MCCC1: variants seen among roughly 807,000 people sequenced by gnomAD.
MCCC1 encodes methylcrotonoyl-CoA carboxylase subunit alpha, mitochondrial.
MCCC1 carries 64 observed loss-of-function variants against 83.8 expected under a neutral mutation model. The observed-to-expected ratio is 0.76, with a 90% CI of 0.62 to 0.94. The LOEUF is 0.94. MCCC1 is among the 40% of genes least tolerant of loss of function. The probability of loss-of-function intolerance (pLI) is 0.00; values close to 1 mark genes in which losing one functional copy is unlikely to be tolerated. For missense variants in MCCC1, 807 were observed against 904.7 expected (o/e 0.89, Z 1.39); for synonymous variants, 322 against 315.4 (o/e 1.02, Z -0.22).
chr3:183,018,755 G>A (rs947539620), intron 17 of MCCC1, among the ~76,000 whole-genome samples: 2 of 152,140 alleles, frequency 1.3e-5, no homozygotes, highest in African/African-American at 4.8e-5. Flanking sequence ...GAGGGATGAG[G>A]GTCTTGACTG....
intron 7 of MCCC1, among the ~76,000 whole-genome samples, chr3:183,067,322 G>A (rs531260054): frequency 6.6e-6 from 1 of 152,326 alleles, no homozygotes; most frequent in South Asian, 2.1e-4. Flanking sequence ...TAAACCCATG[G>A]CTGGGCTGGG....
intron 7 of MCCC1, 147 bp downstream of exon 7, chr3:183,070,852 A>G (rs916252036): frequency 3.2e-6 from 3 of 939,790 alleles, no homozygotes; most frequent in South Asian, 3.3e-5. Flanking sequence ...CCATCCTACA[A>G]TCAGTGGTTA....
At chr3:183,097,853 G>T (rs1281566088) in intron 1 of MCCC1, among the ~76,000 whole-genome samples, 1 of 152,042 alleles carries the variant, frequency 6.6e-6, no homozygotes. Flanking sequence ...GGAGGCCTAA[G>T]AAAAGAAAAA....
At chr3:183,102,283 A>C (rs953190686), upstream of MCCC1, among the ~76,000 whole-genome samples, 6 of 152,156 alleles carry the variant, frequency 3.9e-5, no homozygotes, top group Admixed American at 2.6e-4. Context: ...GGATCACTTG[A>C]GCCCAGGAGT....
At chr3:183,039,241 C>A (rs907075226) in intron 11 of MCCC1, 106 bp from the exon 12 acceptor site, 14 of 1,045,666 alleles carry the variant, frequency 1.3e-5, no homozygotes, top group African/African-American at 7.8e-5. Flanking sequence ...TCCTCATAAA[C>A]CCCTGCATGA....
intron 3 of MCCC1, chr3:183,091,068 G>T (rs183224756): frequency 2.2e-6 from 1 of 456,414 alleles, no homozygotes. Flanking sequence ...TTGGAGGTTG[G>T]AATGAAGCGA....
upstream of MCCC1, among the ~76,000 whole-genome samples, chr3:183,102,572 A>G (rs191565833): frequency 1.3e-5 from 2 of 152,088 alleles, no homozygotes; most frequent in Admixed American, 1.3e-4. Flanking sequence ...TTCATTCTAG[A>G]TTTTAAAACT....
At chr3:183,107,929 T>C (rs369210181) in intron 1 of MCCC1, among the ~76,000 whole-genome samples, 3 of 152,318 alleles carry the variant, frequency 2.0e-5, no homozygotes, top group African/African-American at 7.2e-5. Context: ...TACAATATCC[T>C]TGAATTTGGG....
At position 183,071,449 on chromosome 3, in the gene MCCC1, A is replaced by T. The variant is rs112348183; in HGVS notation, c.492-92T>A. The T allele has an allele frequency of 1.8e-3, 2,802 of 1,562,052 alleles. 52 individuals are homozygous for T. The African/African-American group carries it at 0.034, about 19-fold the overall frequency. ...AATATAGCCCAGTCTATAAATTACA[A>T]TGGAACTCTTTAAAGAAAACATCGA... On this transcript the variant is annotated intron_variant, in intron 5 of 18. Transcript: ENST00000265594.
At chr3:183,104,231 G>A (rs751907813), upstream of MCCC1, among the ~76,000 whole-genome samples, 41 of 152,280 alleles carry the variant, frequency 2.7e-4, no homozygotes, top group Non-Finnish European at 5.1e-4. Context: ...CTCAAGTGCC[G>A]CCAAACTGGG....
upstream of MCCC1, chr3:183,099,703 C>T (rs747270373): frequency 9.0e-5 from 52 of 578,602 alleles, no homozygotes; most frequent in Admixed American, 1.8e-4. Context: ...TCCCCTGGGG[C>T]CTGCTCTGAC....
chr3:183,037,975 TG>T (rs1367131893), intron 12 of MCCC1, among the ~76,000 whole-genome samples: 1 of 152,228 alleles, frequency 6.6e-6, no homozygotes, highest in Admixed American at 6.5e-5. Flanking sequence ...CACCAATAAA[TG>T]GGATCAAAAG....
intron 7 of MCCC1, among the ~76,000 whole-genome samples, chr3:183,067,870 T>C (rs1438671743): frequency 6.6e-6 from 1 of 152,228 alleles, no homozygotes; most frequent in African/African-American, 2.4e-5. Flanking sequence ...AAATGCAGGA[T>C]AAGCTTACCA....
At chr3:183,034,796 T>TTTTA (rs1713428162) in intron 13 of MCCC1, among the ~76,000 whole-genome samples, 1 of 151,938 alleles carries the variant, frequency 6.6e-6, no homozygotes. Context: ...TTTTCTTTTT[T>TTTTA]GAGACGAGTC....
chr3:183,102,091 A>C (rs1444238851), upstream of MCCC1, among the ~76,000 whole-genome samples: 2 of 152,108 alleles, frequency 1.3e-5, no homozygotes, highest in Non-Finnish European at 1.5e-5. Context: ...CCAAGAACCC[A>C]CCAATTTCGG....
Position 183,057,397 on chromosome 3 carries a change from C to A in MCCC1, c.787G>T (p.Asp263Tyr). Residue 263 changes from aspartate (D) to tyrosine (Y), a missense_variant, in exon 8 of 19, where the codon GAT (aspartate) becomes TAT (tyrosine). Coordinates refer to ENST00000265594, the MANE Select transcript of MCCC1 (RefSeq NM_020166.5). Reference sequence around the variant, plus strand: ...AAGTACACAGCATTGCCATGGTGATCACCAAACACCTGGACTTCTACATGC... The same window carrying A: ...AAGTACACAGCATTGCCATGGTGATAACCAAACACCTGGACTTCTACATGC... ...PRHVEVQVFGDHHGNAVYLFE... is the reference protein window; with the variant it reads ...PRHVEVQVFGYHHGNAVYLFE... 6.2e-7 allele frequency: 1 copy of A among 1,608,416 alleles called. No individual in the cohort carries two copies. The highest frequency in any genetic ancestry group is 1.1e-5 in the South Asian group (1 of 89,932).
intron 4 of MCCC1, 113 bp downstream of exon 4, chr3:183,086,580 T>C (rs1329717830): frequency 7.8e-6 from 7 of 901,608 alleles, no homozygotes; most frequent in South Asian, 1.4e-5. Context: ...AATCCAATAA[T>C]CAAATGTAAA....
At chr3:183,020,338 A>G (rs1331391791) in intron 16 of MCCC1, 101 bp from the exon 17 acceptor site, 1 of 981,610 alleles carries the variant, frequency 1.0e-6, no homozygotes, top group Non-Finnish European at 1.6e-6. Flanking sequence ...TTTGTTAAAT[A>G]TTAGTCATCA....
At chr3:183,087,611 C>T (rs1191566451) in intron 3 of MCCC1, among the ~76,000 whole-genome samples, 1 of 152,092 alleles carries the variant, frequency 6.6e-6, no homozygotes, top group Non-Finnish European at 1.5e-5. Flanking sequence ...CATGGTGGCT[C>T]ACGCCTGTAA....
Sources: gnomAD v4.1 joint callset for allele counts (sites outside exome capture counted in the v4.1 genomes callset) on GRCh38, gnomAD v4.1.1 for gene constraint, MANE v1.5 for transcripts, NCBI Gene and HGNC (gene_info 2026-07-23, HGNC 2026-07-21) for gene names.